Variants in TENM1 observed in about 807,000 individuals in gnomAD.
The protein encoded by TENM1 is teneurin-1.
Under a neutral mutation model 174.8 loss-of-function variants are expected in TENM1, and 35 were observed. That is an observed-to-expected ratio of 0.20 (90% CI 0.15 to 0.27). The LOEUF (loss-of-function observed/expected upper bound fraction) is 0.27, where lower values mean the gene tolerates loss of function less well. TENM1 is among the 10% of genes least tolerant of loss of function. The pLI is 1.00. For missense variants in TENM1, 1,633 were observed against 2,130.1 expected, an observed-to-expected ratio of 0.77 and a Z score of 4.59; for synonymous variants, 781 against 798.7, an observed-to-expected ratio of 0.98 and a Z score of 0.37.
rs774426188 is a variant in TENM1 at position 124,839,334 on chromosome X, G to A, written c.535+54962C>T. Among the ~76,000 whole-genome samples the A allele has an allele frequency of 2.6e-4, 29 of 111,572 alleles. No homozygotes were observed. The South Asian group carries it at 6.7e-3, about 26-fold the overall frequency. ...ACTTTAGGAGAGCAGTTAACTCTGG[G>A]AAGGAAAGAAGGAAGTGAAGTTTTA... is the stretch of plus-strand genomic sequence containing the variant. On this transcript the variant is annotated intron_variant, in intron 3 of 31. Transcript: ENST00000422452.
intron 11 of TENM1, among the ~76,000 whole-genome samples, chrX:124,606,264 C>T (rs1227226744): frequency 9.0e-6 from 1 of 110,924 alleles, no homozygotes; most frequent in Non-Finnish European, 1.9e-5. Flanking sequence ...TACAGGATCA[C>T]TGATTTGGTG....
intron 1 of TENM1, among the ~76,000 whole-genome samples, chrX:124,914,431 G>T (rs2057888790): frequency 9.0e-6 from 1 of 111,448 alleles, no homozygotes; most frequent in Non-Finnish European, 1.9e-5. Context: ...TGATGAATGG[G>T]TAAGGCTTGA....
chrX:124,674,303 CAAAAAAAAA>C (rs745969451), intron 5 of TENM1, among the ~76,000 whole-genome samples: 1 of 16,624 alleles, frequency 6.0e-5, no homozygotes, highest in Non-Finnish European at 1.2e-4. Context: ...TATCAAAAGG[CAAAAAAAAA>C]AAAAAAAAAA....
At chrX:124,397,680 C>T (rs1046943589) in intron 27 of TENM1, among the ~76,000 whole-genome samples, 1 of 110,397 alleles carries the variant, frequency 9.1e-6, no homozygotes, top group African/African-American at 3.3e-5. Flanking sequence ...TCACCACAAC[C>T]TCCACCTCCC....
intron 20 of TENM1, among the ~76,000 whole-genome samples, chrX:124,491,830 G>A (rs747524865): frequency 2.6e-3 from 287 of 111,539 alleles, no homozygotes; most frequent in African/African-American, 8.8e-3. Flanking sequence ...TCTTTAAACT[G>A]CCAAGGGACA....
intron 11 of TENM1, 60 bp downstream of exon 14, chrX:124,641,731 A>C: frequency 9.3e-7 from 1 of 1,076,692 alleles, no homozygotes; most frequent in Non-Finnish European, 1.3e-6. Context: ...CACTGCCTTA[A>C]GGAAGGAACA....
the TENM1 span, among the ~76,000 whole-genome samples, chrX:125,171,771 T>C: frequency 9.0e-6 from 1 of 111,554 alleles, no homozygotes; most frequent in African/African-American, 3.3e-5. Context: ...AAATTTCTAT[T>C]GTTTATAAGC....
the TENM1 span, among the ~76,000 whole-genome samples, chrX:125,008,745 A>G: frequency 8.9e-6 from 1 of 111,974 alleles, no homozygotes; most frequent in East Asian, 2.8e-4. Flanking sequence ...ATACAACACA[A>G]CTCACTGGAA....
At chrX:125,082,280 G>A in the TENM1 span, among the ~76,000 whole-genome samples, 1 of 111,056 alleles carries the variant, frequency 9.0e-6, no homozygotes, top group Non-Finnish European at 1.9e-5. Flanking sequence ...TGGCCTTGCT[G>A]TTTGAATTCT....
chrX:124,523,680 A>G, intron 16 of TENM1, 55 bp from the exon 20 acceptor site: 2 of 1,139,388 alleles, frequency 1.8e-6, no homozygotes, highest in Non-Finnish European at 2.4e-6. Context: ...AAAAAATTAC[A>G]GTTAAAAAAT....
intron 3 of TENM1, among the ~76,000 whole-genome samples, chrX:124,862,139 A>G (rs2056922736): frequency 8.9e-6 from 1 of 112,260 alleles, no homozygotes; most frequent in Non-Finnish European, 1.9e-5. Flanking sequence ...AGTCTTTCAG[A>G]AACCAAACTG....
chrX:124,381,007 C>T (rs1278882652), exon 32 of TENM1: 1 of 1,211,705 alleles, frequency 8.3e-7, no homozygotes, highest in Admixed American at 2.2e-5. Context: ...GAGTGTCCCT[C>T]CCCTCTATGG....
At chrX:124,946,853 C>G (rs1232024277) in intron 1 of TENM1, among the ~76,000 whole-genome samples, 1 of 107,249 alleles carries the variant, frequency 9.3e-6, no homozygotes, top group African/African-American at 3.4e-5. Context: ...GACAAACCAC[C>G]TTAATGAGGT....
chrX:124,922,491 T>C (rs890276174), intron 1 of TENM1, among the ~76,000 whole-genome samples: 3 of 111,143 alleles, frequency 2.7e-5, no homozygotes, highest in Non-Finnish European at 5.7e-5. Context: ...TTTGTACAGA[T>C]ACTTTTATGT....
At chrX:125,123,881 T>G in the TENM1 span, among the ~76,000 whole-genome samples, 1 of 112,703 alleles carries the variant, frequency 8.9e-6, no homozygotes, top group East Asian at 2.8e-4. Context: ...TTAGCCATTA[T>G]TATCGAACAT....
chrX:124,828,793 C>T lies in TENM1; in HGVS notation c.535+65503G>A, dbSNP rs768150453. 4.5e-5 allele frequency among the ~76,000 whole-genome samples: 5 copies of T among 111,932 alleles called. No individual in the cohort carries two copies. The East Asian group carries it at 1.4e-3, about 31-fold the overall frequency. ...CTCCTTATTTAACAACACTGACTTC[C>T]AGCTAAACACAAGAAAGAAAGAAAG... On this transcript the variant is annotated intron_variant, in intron 3 of 31. Coordinates refer to ENST00000422452, the Ensembl canonical transcript of TENM1.
At chrX:124,896,618 T>A (rs948910249) in intron 1 of TENM1, among the ~76,000 whole-genome samples, 1 of 112,022 alleles carries the variant, frequency 8.9e-6, no homozygotes, top group Non-Finnish European at 1.9e-5. Context: ...AGTGTACCTA[T>A]GCTTAAAATA....
At position 124,808,517 on chromosome X, in the gene TENM1, A is replaced by G. The variant is rs1435636604; in HGVS notation, c.536-71320T>C. Among the ~76,000 whole-genome samples the G allele has an allele frequency of 3.6e-5, 4 of 112,233 alleles. No homozygotes were observed. In the East Asian group the frequency reaches 8.4e-4, roughly 24 times the overall value. On this transcript the variant is annotated intron_variant, in intron 3 of 31. Transcript: ENST00000422452. ...ATATTTAGAACATTTCATCTGACAG[A>G]AGCAGAATGTGCATTCTTCTCAACT...
At chrX:124,447,537 C>T (rs2060977346) in intron 23 of TENM1, among the ~76,000 whole-genome samples, 1 of 112,017 alleles carries the variant, frequency 8.9e-6, no homozygotes, top group African/African-American at 3.2e-5. Flanking sequence ...ATCTGACTCT[C>T]ATTAATTAGC....
Sources: gnomAD v4.1 joint callset for allele counts (sites outside exome capture counted in the v4.1 genomes callset) on GRCh38, gnomAD v4.1.1 for gene constraint, MANE v1.5 for transcripts, NCBI Gene and HGNC (gene_info 2026-07-23, HGNC 2026-07-21) for gene names.